Variants in ADGRG1 observed in about 807,000 individuals in gnomAD.
ADGRG1 encodes the protein 7-transmembrane protein with no EGF-like N-terminal domains-1.
ADGRG1 carries 53 observed loss-of-function variants against 73.5 expected under a neutral mutation model. The ratio of observed to expected loss-of-function variants is 0.72; its 90% CI spans 0.58 to 0.91. The LOEUF (loss-of-function observed/expected upper bound fraction) is 0.91. Ranked by LOEUF, ADGRG1 falls within the 40% of genes least tolerant of loss-of-function variation. The pLI is 0.00. For synonymous variants in ADGRG1, 394 were observed against 374.4 expected (o/e 1.05, Z -0.60); for missense variants, 795 against 871.8 (o/e 0.91, Z 1.11).
chr16:57,644,103 G>T (rs1239271630), intron 1 of ADGRG1: 1 of 985,116 alleles, frequency 1.0e-6, no homozygotes, highest in Non-Finnish European at 1.2e-6. Flanking sequence ...TCTTTGCACT[G>T]TGCCCCGCCC....
At chr16:57,620,426 A>G (rs1368954920), upstream of ADGRG1, among the ~76,000 whole-genome samples, 1 of 152,186 alleles carries the variant, frequency 6.6e-6, no homozygotes, top group African/African-American at 2.4e-5. Flanking sequence ...TCCAACGGAC[A>G]CTGCAGGACG....
chr16:57,631,082 T>C (rs1317629708), intron 1 of ADGRG1: 3 of 980,948 alleles, frequency 3.1e-6, no homozygotes, highest in African/African-American at 3.6e-5. Context: ...CAGTGTGAGG[T>C]TGGCCAGGCA....
intron 13 of ADGRG1, 44 bp downstream of exon 13, chr16:57,662,009 C>T (rs1269016358): frequency 6.7e-7 from 1 of 1,499,412 alleles, no homozygotes; most frequent in Admixed American, 1.7e-5. Flanking sequence ...GGTGTCTACA[C>T]ATGGAGCAAG....
intron 1 of ADGRG1, chr16:57,649,992 T>C (rs913895011): frequency 9.3e-6 from 2 of 216,192 alleles, no homozygotes; most frequent in Admixed American, 1.3e-4. Context: ...TTGCCCAGGC[T>C]GGTCTGAATT....
At chr16:57,648,593 T>C (rs733462) in intron 1 of ADGRG1, 607,087 of 983,360 alleles carry the variant, frequency 0.62, 191,261 homozygotes, top group African/African-American at 0.93. Context: ...GGACACCCCT[T>C]CTTTTAATGC....
chr16:57,663,707 T>C lies in ADGRG1; in HGVS notation c.*125T>C. On this transcript the variant is annotated 3_prime_UTR_variant, in exon 14 of 14. Transcript: ENST00000562631. Reference sequence around the variant, plus strand: ...CAGACTTTGGAAAGCCCAACGACCATGGAGAGATGGGCCGTTGCCATGGTG... The same window carrying C: ...CAGACTTTGGAAAGCCCAACGACCACGGAGAGATGGGCCGTTGCCATGGTG... 1 of 1,078,928 alleles carries C rather than the reference T, an allele frequency of 9.3e-7. No homozygotes were observed. The highest frequency in any genetic ancestry group is 1.4e-6 in the Non-Finnish European group (1 of 722,374). 66.8% of individuals were successfully genotyped at this position (1,078,928 alleles called of 1,614,324 possible). A position where few individuals can be genotyped will look rare whatever the true frequency, so the allele number is the denominator to read the frequency against.
chr16:57,655,828 A>C, intron 6 of ADGRG1, 48 bp from the exon 7 acceptor site: 1 of 1,613,978 alleles, frequency 6.2e-7, no homozygotes. Flanking sequence ...CCTTCTTCTC[A>C]GTCCTGAACT....
At chr16:57,630,292 G>A (rs12149018) in intron 1 of ADGRG1, 377,743 of 867,176 alleles carry the variant, frequency 0.44, 83,263 homozygotes, top group South Asian at 0.56. Context: ...GCTCCCCAGA[G>A]CCCAGGCAGG....
intron 1 of ADGRG1, chr16:57,644,920 T>G (rs1286506343): frequency 6.6e-6 from 1 of 151,654 alleles, no homozygotes; most frequent in Non-Finnish European, 1.0e-5. Flanking sequence ...TCATAACTCA[T>G]GCACACACAC....
chr16:57,664,168 C>G lies in ADGRG1; in HGVS notation c.*586C>G, dbSNP rs1331115942. The G allele has an allele frequency of 6.5e-6, 1 of 154,928 alleles. No individual in the cohort carries two copies. The highest frequency in any genetic ancestry group is 1.4e-5 in the Non-Finnish European group (1 of 69,844). The allele number at this position is 154,928 out of a possible 1,614,324, so 9.6% of individuals were successfully genotyped here. On this transcript the variant is annotated 3_prime_UTR_variant, in exon 14 of 14. Coordinates refer to ENST00000562631, the MANE Select transcript of ADGRG1 (RefSeq NM_201525.4). ...GCCTACCTCTGAGCCCAGGCCCCCT[C>G]CCTCCCTCAGCCCCCCAGTCCTCCC... is the stretch of plus-strand genomic sequence containing the variant.
At chr16:57,654,224 C>A (rs775918219) in intron 5 of ADGRG1, 91 bp downstream of exon 5, 4 of 1,303,588 alleles carry the variant, frequency 3.1e-6, no homozygotes, top group African/African-American at 1.4e-5. Flanking sequence ...AGCTCAGTGC[C>A]GTCGCAGCCT....
chr16:57,632,212 G>T (rs2038146474), intron 1 of ADGRG1: 1 of 985,326 alleles, frequency 1.0e-6, no homozygotes, highest in South Asian at 4.7e-5. Context: ...TCCTCAGCCA[G>T]CCAGGCACAT....
intron 1 of ADGRG1, chr16:57,644,063 C>T: frequency 2.0e-6 from 2 of 985,362 alleles, no homozygotes; most frequent in South Asian, 4.7e-5. Context: ...ACGCCACCCA[C>T]CATGGAGGAA....
At chr16:57,660,335 T>G in intron 11 of ADGRG1, 10 of 985,066 alleles carry the variant, frequency 1.0e-5, no homozygotes, top group Non-Finnish European at 1.2e-5. Flanking sequence ...GTGTCAGGAC[T>G]TTGTGTTTGG....
At chr16:57,648,690 G>T in intron 1 of ADGRG1, 1 of 984,720 alleles carries the variant, frequency 1.0e-6, no homozygotes, top group South Asian at 4.7e-5. Context: ...TGTGTTCTCC[G>T]GCTTGTGGCC....
At chr16:57,639,795 TC>T in intron 1 of ADGRG1, 1 of 816,040 alleles carries the variant, frequency 1.2e-6, no homozygotes, top group Non-Finnish European at 1.5e-6. Flanking sequence ...GCCTCCTTCC[TC>T]CCCATCCCTT....
intron 13 of ADGRG1, 86 bp downstream of exon 13, chr16:57,662,051 G>C: frequency 9.1e-7 from 1 of 1,098,060 alleles, no homozygotes; most frequent in East Asian, 2.4e-5. Context: ...GGAACCTGAA[G>C]ACTTCCCTTC....
At chr16:57,653,623 C>T (rs1284871685) in intron 4 of ADGRG1, 5 of 970,328 alleles carry the variant, frequency 5.2e-6, no homozygotes, top group South Asian at 4.8e-5. Flanking sequence ...GGCTCAGAGA[C>T]GGCAGAGCCG....
At chr16:57,628,616 G>GTCAC, upstream of ADGRG1, 3 of 985,480 alleles carry the variant, frequency 3.0e-6, no homozygotes, top group Non-Finnish European at 3.6e-6. Context: ...AACAAACCCG[G>GTCAC]TCCCTCCCTC....
Sources: allele counts gnomAD v4.1 joint callset (sites outside exome capture counted in the v4.1 genomes callset), GRCh38; gene constraint gnomAD v4.1.1; transcripts MANE v1.5; gene names NCBI Gene and HGNC (gene_info 2026-07-23, HGNC 2026-07-21).